The following AFAP1 variants were observed in gnomAD, a reference collection of about 807,000 sequenced individuals.
AFAP1 encodes actin filament-associated protein 1.
Under a neutral mutation model 93.9 loss-of-function variants are expected in AFAP1, and 75 were observed. That is an observed-to-expected ratio of 0.80 (90% CI 0.66 to 0.97). AFAP1 has a LOEUF of 0.97. Ranked by LOEUF, AFAP1 falls within the 50% of genes least tolerant of loss-of-function variation. The pLI, the probability that AFAP1 is intolerant of heterozygous loss-of-function variation, is 0.00. For missense variants in AFAP1, 1,201 were observed against 1,050.8 expected (o/e 1.14, Z -1.98); for synonymous variants, 517 against 430.7 (o/e 1.20, Z -2.48).
At chr4:7,823,641 A>G (rs1348689666) in intron 6 of AFAP1, among the ~76,000 whole-genome samples, 2 of 152,136 alleles carry the variant, frequency 1.3e-5, no homozygotes, top group African/African-American at 4.8e-5. Flanking sequence ...AAAGCACCTC[A>G]CGTAATCGCC....
chr4:7,898,207 C>T (rs900945386), intron 1 of AFAP1, among the ~76,000 whole-genome samples: 1 of 152,046 alleles, frequency 6.6e-6, no homozygotes, highest in Non-Finnish European at 1.5e-5. Context: ...GTCAGGAGTT[C>T]GAGACCAGCC....
chr4:7,866,892 G>A lies in AFAP1; in HGVS notation c.225+1730C>T, dbSNP rs143881795. The stretch of plus-strand genomic sequence containing the variant: ...TAAAAAAAAAAAAAATTAAACATTT[G>A]GCTGGGCATGGTGGCTCACACCTGC... On this transcript the variant is annotated intron_variant, in intron 3 of 17. Coordinates refer to ENST00000420658, the MANE Select transcript of AFAP1 (RefSeq NM_001134647.2). Among the ~76,000 whole-genome samples, 30 of 151,184 alleles carry A rather than the reference G, an allele frequency of 2.0e-4. 1 individual carries two copies. The East Asian group carries it at 5.5e-3, about 28-fold the overall frequency.
chr4:7,801,413 G>A (rs964786671), intron 9 of AFAP1, among the ~76,000 whole-genome samples: 1 of 151,458 alleles, frequency 6.6e-6, no homozygotes, highest in Admixed American at 6.6e-5. Flanking sequence ...AGAATGACAG[G>A]AAAAATTATT....
At chr4:7,817,363 G>A (rs913783287) in intron 7 of AFAP1, among the ~76,000 whole-genome samples, 7 of 152,174 alleles carry the variant, frequency 4.6e-5, no homozygotes, top group African/African-American at 1.7e-4. Flanking sequence ...AGCACTTTGG[G>A]AGGCCAAGGC....
Position 7,792,273 on chromosome 4 carries a change from C to G in AFAP1, c.1412+1408G>C, listed in dbSNP as rs565251012. Among the ~76,000 whole-genome samples the G allele has an allele frequency of 2.6e-5, 4 of 152,250 alleles. No homozygotes were observed. The East Asian group carries it at 7.7e-4, about 29-fold the overall frequency. ...TTAAAATCCAGTCGTTTATCTTGCA[C>G]TAGGAATAGATCTTTCCCCAAGCAT... On this transcript the variant is annotated intron_variant, in intron 11 of 17. Coordinates refer to ENST00000420658, the MANE Select transcript of AFAP1 (RefSeq NM_001134647.2).
chr4:7,785,330 G>A (rs948914884), intron 12 of AFAP1, among the ~76,000 whole-genome samples: 3 of 152,122 alleles, frequency 2.0e-5, no homozygotes, highest in Non-Finnish European at 4.4e-5. Flanking sequence ...GCGTAACAGG[G>A]AAAGCTGTTA....
intron 3 of AFAP1, among the ~76,000 whole-genome samples, chr4:7,868,053 A>C (rs1471748000): frequency 6.6e-6 from 1 of 152,146 alleles, no homozygotes; most frequent in Admixed American, 6.5e-5. Context: ...GCTGAATGGT[A>C]CATAAAAGTT....
chr4:7,811,452 C>G (rs1426169090), intron 8 of AFAP1, among the ~76,000 whole-genome samples: 1 of 151,950 alleles, frequency 6.6e-6, no homozygotes, highest in African/African-American at 2.4e-5. Flanking sequence ...CACGCAGTCC[C>G]CTTATCCTTC....
chr4:7,797,264 C>G (rs753143432), intron 10 of AFAP1, among the ~76,000 whole-genome samples: 2 of 152,094 alleles, frequency 1.3e-5, no homozygotes, highest in Non-Finnish European at 2.9e-5. Flanking sequence ...TTAATGGATG[C>G]TGGAACCAGT....
At position 7,760,883 on chromosome 4, in the gene AFAP1, G is replaced by A. The variant is rs763908597; in HGVS notation, c.*2882C>T. ...TCCTCGCATTGCGGTCGGCACCGTA[G>A]TACAGGTGGCTAGCCCCTGTGAACA... On this transcript the variant is annotated 3_prime_UTR_variant, in exon 18 of 18. Transcript: ENST00000420658. 13 of 152,324 alleles carry A rather than the reference G, an allele frequency of 8.5e-5. No homozygotes were observed. Among genetic ancestry groups the A allele is most frequent in the Non-Finnish European group, 1.9e-4 (13 of 68,082 alleles). 9.4% of individuals were successfully genotyped at this position (152,324 alleles called of 1,614,324 possible).
intron 15 of AFAP1, 129 bp downstream of exon 15, chr4:7,774,610 G>A: frequency 7.5e-7 from 1 of 1,334,070 alleles, no homozygotes; most frequent in Non-Finnish European, 1.0e-6. Context: ...GAAACACTGT[G>A]AGATAACCCA....
chr4:7,868,629 G>T lies in AFAP1; in HGVS notation c.218C>A (p.Pro73His), dbSNP rs1716700398. Reference protein sequence around the residue: ...PQMPLPEIPQPWLPPDSGPPP... With the variant: ...PQMPLPEIPQHWLPPDSGPPP... The stretch of plus-strand genomic sequence containing the variant: ...GGTGGGACCTTGACTCACCAGCCAG[G>T]GCTGAGGGATCTCCGGCAGGGGCAT... The change falls in exon 3 of 18, where the codon CCC becomes CAC. Residue 73 changes from proline to histidine, a missense_variant. By Grantham distance (77) the Pro-to-His change is moderately conservative (BLOSUM62 -2). Coordinates refer to ENST00000420658, the MANE Select transcript of AFAP1 (RefSeq NM_001134647.2). 1.2e-6 allele frequency: 2 copies of T among 1,611,814 alleles called. No individual in the cohort carries two copies.
At chr4:7,928,447 A>G (rs1341385803) in intron 1 of AFAP1, among the ~76,000 whole-genome samples, 4 of 152,128 alleles carry the variant, frequency 2.6e-5, no homozygotes, top group South Asian at 4.2e-4. Context: ...GAGTGCAGTG[A>G]CGCCATCTCG....
At chr4:7,771,501 G>C (rs1715434554) in intron 16 of AFAP1, among the ~76,000 whole-genome samples, 1 of 152,188 alleles carries the variant, frequency 6.6e-6, no homozygotes, top group African/African-American at 2.4e-5. Context: ...AGCAATTGTT[G>C]GATGAGTGGA....
At chr4:7,839,092 T>C (rs1712675946) in intron 5 of AFAP1, among the ~76,000 whole-genome samples, 1 of 152,212 alleles carries the variant, frequency 6.6e-6, no homozygotes, top group Non-Finnish European at 1.5e-5. Flanking sequence ...CCCAACACTT[T>C]GGGAGGCTGA....
intron 6 of AFAP1, among the ~76,000 whole-genome samples, chr4:7,829,309 CAAT>C (rs1174693338): frequency 2.6e-5 from 4 of 152,180 alleles, no homozygotes; most frequent in Non-Finnish European, 5.9e-5. Flanking sequence ...ACTTAAGAAG[CAAT>C]TATAAAAATC....
rs1011382245 is a variant in AFAP1, at chr4:7,779,094, G to A, written c.1783-218C>T. On this transcript the variant is annotated intron_variant, in intron 13 of 17. Transcript: ENST00000420658. ...CTAAGGAGGGTACGGCAGAGGCTCT[G>A]TAGGATGTGTTCCGCTGGAACACTG... The A allele has an allele frequency of 3.6e-5, 19 of 533,454 alleles. No homozygotes were observed. The Admixed American group carries it at 3.8e-4, about 11-fold the overall frequency. The allele number at this position is 533,454 out of a possible 1,614,324, so 33.0% of individuals were successfully genotyped here.
rs140657755 is a variant in AFAP1, at chr4:7,880,888, G to A, written c.-2-8808C>T. Among the ~76,000 whole-genome samples, 825 of 152,250 alleles carry A rather than the reference G, an allele frequency of 5.4e-3. 1 individual carries two copies. Among genetic ancestry groups the A allele is most frequent in the Non-Finnish European group, 8.2e-3 (557 of 68,034 alleles). ...TGAGAAACACGGGGAAAGTTGCCAC[G>A]GGCGACAGGCTCTGCAGAGGCTGCC... On this transcript the variant is annotated intron_variant, in intron 1 of 17. Transcript: ENST00000420658.
chr4:7,840,397 T>TCC (rs1035036297), intron 5 of AFAP1, among the ~76,000 whole-genome samples: 1 of 151,738 alleles, frequency 6.6e-6, no homozygotes, highest in African/African-American at 2.4e-5. Context: ...CACTGCAACC[T>TCC]CCCCCTCCTG....
Sources: allele counts gnomAD v4.1 joint callset (sites outside exome capture counted in the v4.1 genomes callset), GRCh38; gene constraint gnomAD v4.1.1; transcripts MANE v1.5; gene names NCBI Gene and HGNC (gene_info 2026-07-23, HGNC 2026-07-21).